EPB41L5: variants seen among roughly 807,000 people sequenced by gnomAD.
EPB41L5 encodes the protein erythrocyte membrane protein band 4.1 like 5, also known as band 4.1-like protein 5.
A neutral mutation model predicts 106.6 loss-of-function variants in EPB41L5; 55 were observed. That is an observed-to-expected ratio of 0.52 (90% CI 0.42 to 0.65). The LOEUF is 0.65. EPB41L5 is among the 30% of genes least tolerant of loss of function. EPB41L5 has a pLI of 0.00. For synonymous variants in EPB41L5, 297 were observed against 306.7 expected, an observed-to-expected ratio of 0.97 and a Z score of 0.33; for missense variants, 871 against 882.1, an observed-to-expected ratio of 0.99 and a Z score of 0.16.
chr2:120,096,562 G>T (rs1683769795), intron 14 of EPB41L5, among the ~76,000 whole-genome samples: 1 of 152,174 alleles, frequency 6.6e-6, no homozygotes, highest in Non-Finnish European at 1.5e-5. Context: ...GGCCAAGGCA[G>T]GCAGATCACC....
At chr2:120,030,647 G>C (rs189770247) in intron 2 of EPB41L5, among the ~76,000 whole-genome samples, 1 of 152,062 alleles carries the variant, frequency 6.6e-6, no homozygotes, top group Non-Finnish European at 1.5e-5. Flanking sequence ...CCCGCCTCCC[G>C]GGTTCAAGTG....
At chr2:120,059,885 AAAAAC>A (rs1202234070) in intron 3 of EPB41L5, among the ~76,000 whole-genome samples, 2 of 152,218 alleles carry the variant, frequency 1.3e-5, no homozygotes, top group African/African-American at 4.8e-5. Context: ...TGTCTCAACC[AAAAAC>A]AAAACAAAAC....
At chr2:120,120,997 A>G (rs957387072) in intron 16 of EPB41L5, among the ~76,000 whole-genome samples, 3 of 152,116 alleles carry the variant, frequency 2.0e-5, no homozygotes, top group African/African-American at 7.2e-5. Context: ...GGCACCTGCA[A>G]TCCCAGCCAC....
intron 21 of EPB41L5, among the ~76,000 whole-genome samples, chr2:120,162,988 G>A (rs903534632): frequency 3.3e-5 from 5 of 152,310 alleles, no homozygotes; most frequent in African/African-American, 1.2e-4. Flanking sequence ...AAGTGTGGTG[G>A]CTCATGCCTA....
At chr2:120,018,937 C>T in intron 1 of EPB41L5, 140 bp from the exon 2 acceptor site, 1 of 715,512 alleles carries the variant, frequency 1.4e-6, no homozygotes, top group Non-Finnish European at 2.3e-6. Flanking sequence ...TGAGTCACTG[C>T]ACCCAGCCCA....
At chr2:120,126,941 G>A (rs1404715858) in intron 16 of EPB41L5, among the ~76,000 whole-genome samples, 1 of 152,130 alleles carries the variant, frequency 6.6e-6, no homozygotes, top group Non-Finnish European at 1.5e-5. Flanking sequence ...CTTTATAAAT[G>A]ATTTTCAGTG....
intron 20 of EPB41L5, among the ~76,000 whole-genome samples, chr2:120,150,034 A>G (rs1345087624): frequency 1.3e-5 from 2 of 152,048 alleles, no homozygotes; most frequent in African/African-American, 2.4e-5. Flanking sequence ...CAGGGACTAC[A>G]GGCACATGCC....
In EPB41L5 at chr2:120,019,164, A is replaced by G; in HGVS notation, c.80A>G (p.Gln27Arg). 6.2e-7 allele frequency: 1 copy of G among 1,614,088 alleles called. No homozygotes were observed. Among genetic ancestry groups the G allele is most frequent in the Non-Finnish European group, 8.5e-7 (1 of 1,180,018 alleles). The change falls in exon 2 of 25, where the codon CAA becomes CGA. Residue 27 changes from glutamine to arginine, a missense_variant. Transcript: ENST00000263713. ...GAGAAGGAACGACTCCGAGAAGCAC[A>G]ACGCGCCGCCACACATATTCCTGCA... is the stretch of plus-strand genomic sequence containing the variant. ...HAEKERLREA[Q>R]RAATHIPAAG...
Position 120,019,952 on chromosome 2 carries a change from A to G in EPB41L5, c.180+688A>G, listed in dbSNP as rs552002791. On this transcript the variant is annotated intron_variant, in intron 2 of 24. Coordinates refer to ENST00000263713, the MANE Select transcript of EPB41L5 (RefSeq NM_020909.4). ...AAATATATAATCATAACTCAGTGTG[A>G]AACAATCTGACATGTTTGAAAGGGG... Among the ~76,000 whole-genome samples, 5 of 152,236 alleles carry G rather than the reference A, an allele frequency of 3.3e-5. No homozygotes were observed. In the East Asian group the frequency reaches 9.6e-4, roughly 29 times the overall value.
chr2:120,141,229 A>C (rs969507171), intron 18 of EPB41L5, among the ~76,000 whole-genome samples: 2 of 152,120 alleles, frequency 1.3e-5, no homozygotes, highest in Non-Finnish European at 1.5e-5. Flanking sequence ...GACGAGTGGA[A>C]TGACAAGTTC....
At chr2:120,035,552 T>A (rs921809663) in intron 2 of EPB41L5, among the ~76,000 whole-genome samples, 1 of 152,176 alleles carries the variant, frequency 6.6e-6, no homozygotes, top group African/African-American at 2.4e-5. Context: ...TGCCTGTAGT[T>A]CCAGCTACTC....
At chr2:120,120,583 C>G (rs1685172114) in intron 16 of EPB41L5, among the ~76,000 whole-genome samples, 1 of 151,436 alleles carries the variant, frequency 6.6e-6, no homozygotes, top group Non-Finnish European at 1.5e-5. Flanking sequence ...GACATGTAAA[C>G]AGGTGCTTTT....
At chr2:120,156,806 T>G (rs1202010765) in intron 20 of EPB41L5, among the ~76,000 whole-genome samples, 1 of 152,168 alleles carries the variant, frequency 6.6e-6, no homozygotes, top group Non-Finnish European at 1.5e-5. Flanking sequence ...CTTAGAGACC[T>G]TCAAATAGAC....
At chr2:120,061,371 C>T (rs1317343581) in intron 3 of EPB41L5, among the ~76,000 whole-genome samples, 17 of 150,840 alleles carry the variant, frequency 1.1e-4, no homozygotes, top group African/African-American at 1.7e-4. Flanking sequence ...TACAGGCGCC[C>T]GCCACTACGC....
At chr2:120,048,523 TA>T (rs1679986427) in intron 3 of EPB41L5, among the ~76,000 whole-genome samples, 1 of 152,164 alleles carries the variant, frequency 6.6e-6, no homozygotes, top group South Asian at 2.1e-4. Flanking sequence ...TATCATTTTT[TA>T]TTGCGTCTAT....
At chr2:120,088,838 C>G (rs1683233112) in intron 11 of EPB41L5, among the ~76,000 whole-genome samples, 1 of 152,080 alleles carries the variant, frequency 6.6e-6, no homozygotes, top group Non-Finnish European at 1.5e-5. Flanking sequence ...TGGTTTAGTA[C>G]TTATCTGTGT....
intron 15 of EPB41L5, 147 bp from the exon 16 acceptor site, chr2:120,100,552 T>G: frequency 1.5e-6 from 1 of 672,006 alleles, no homozygotes; most frequent in Non-Finnish European, 2.6e-6. Context: ...TTTCATTCAT[T>G]AACTATCTCT....
At chr2:120,115,310 C>CT (rs1684897358) in intron 16 of EPB41L5, among the ~76,000 whole-genome samples, 1 of 152,098 alleles carries the variant, frequency 6.6e-6, no homozygotes, top group Non-Finnish European at 1.5e-5. Flanking sequence ...TATGTCATGT[C>CT]TTTTTTTGTT....
intron 5 of EPB41L5, 70 bp from the exon 6 acceptor site, chr2:120,075,406 A>G: frequency 9.0e-7 from 1 of 1,110,672 alleles, no homozygotes; most frequent in Non-Finnish European, 1.4e-6. Context: ...TTCTCAAGTT[A>G]GAAGTGTAAG....
Sources: allele counts gnomAD v4.1 joint callset (sites outside exome capture counted in the v4.1 genomes callset), GRCh38; gene constraint gnomAD v4.1.1; transcripts MANE v1.5; gene names NCBI Gene and HGNC (gene_info 2026-07-23, HGNC 2026-07-21).